The following DCUN1D5 variants were observed in gnomAD, a reference collection of about 807,000 sequenced individuals.
DCUN1D5 encodes DCN1-like protein 5.
DCUN1D5 carries 10 observed loss-of-function variants against 38.3 expected under a neutral mutation model. The ratio of observed to expected loss-of-function variants is 0.26; its 90% CI spans 0.16 to 0.44. The LOEUF is 0.44. DCUN1D5 is among the 20% of genes least tolerant of loss of function. The pLI is 1.00. For missense variants in DCUN1D5, 148 were observed against 275.3 expected (o/e 0.54, Z 3.27); for synonymous variants, 93 against 90.9 (o/e 1.02, Z -0.13).
chr11:103,068,673 G>A (rs1476153810), intron 4 of DCUN1D5, among the ~76,000 whole-genome samples: 1 of 152,010 alleles, frequency 6.6e-6, no homozygotes, highest in Non-Finnish European at 1.5e-5. Flanking sequence ...ACAGACACTG[G>A]GGTCTACTTG....
At position 103,063,745 on chromosome 11, in the gene DCUN1D5, AG is replaced by A. The variant is rs1862070156; in HGVS notation, c.658+529del. On this transcript the variant is annotated intron_variant, in intron 7 of 7. Transcript: ENST00000260247. This position sits in a 1 kb window ranked among gnomAD's most constrained non-coding sequence, Gnocchi z 4.6. ...TTATGGCATTCTAGCCTTTCCATGG[AG>A]GAGTATGGACAGATATTTTAACTTG... Among the ~76,000 whole-genome samples, 1 of 152,136 alleles carries A rather than the reference AG, an allele frequency of 6.6e-6. No homozygotes were observed.
rs1385248722 is a variant in DCUN1D5 at position 103,077,203 on chromosome 11, T to TA, written c.341+5544dup. Among the ~76,000 whole-genome samples, 84 of 145,440 alleles carry TA rather than the reference T, an allele frequency of 5.8e-4. 1 individual carries two copies. The highest frequency in any genetic ancestry group is 3.5e-3 in the Middle Eastern group (1 of 284). On this transcript the variant is annotated intron_variant, in intron 4 of 7. Transcript: ENST00000260247. The surrounding 1 kb of genome is among the most constrained non-coding windows in gnomAD (Gnocchi z 4.3). The stretch of plus-strand genomic sequence containing the variant: ...AGACTGAGCAAGACGCCGTCTCAAA[T>TA]AAAAAAAAAAGAATAAGAGCACAAA...
intron 1 of DCUN1D5, among the ~76,000 whole-genome samples, chr11:103,090,625 T>C (rs1862834589): frequency 6.6e-6 from 1 of 152,178 alleles, no homozygotes; most frequent in Non-Finnish European, 1.5e-5. Flanking sequence ...TAAAAAAGCA[T>C]TTCTCAGTCG....
At position 103,080,296 on chromosome 11, in the gene DCUN1D5, T is replaced by C. The variant is rs1010856132; in HGVS notation, c.341+2452A>G. Among the ~76,000 whole-genome samples the C allele has an allele frequency of 4.6e-5, 7 of 152,230 alleles. No individual in the cohort carries two copies. The South Asian group carries it at 1.5e-3, about 32-fold the overall frequency. ...ATATCAGAGAGAACTGATAATAAAG[T>C]TTTATATTTTAAGATTATGTTTATT... On this transcript the variant is annotated intron_variant, in intron 4 of 7. Coordinates refer to ENST00000260247, the MANE Select transcript of DCUN1D5 (RefSeq NM_032299.4).
rs1377070894 is a variant in DCUN1D5 at position 103,052,584 on chromosome 11, A to T, written c.*9775T>A. On this transcript the variant is annotated 3_prime_UTR_variant, in exon 8 of 8. Coordinates refer to ENST00000260247, the MANE Select transcript of DCUN1D5 (RefSeq NM_032299.4). ...CATAGCAAAGCCTGGGCCTATGGAT[A>T]TTTATTGGATATTGATTCATTCCTT... is the stretch of plus-strand genomic sequence containing the variant. The T allele has an allele frequency of 6.6e-6, 1 of 152,112 alleles. No individual in the cohort carries two copies. The highest frequency in any genetic ancestry group is 1.5e-5 in the Non-Finnish European group (1 of 67,994). 9.4% of individuals were successfully genotyped at this position (152,112 alleles called of 1,614,324 possible). A position where few individuals can be genotyped will look rare whatever the true frequency, so the allele number is the denominator to read the frequency against.
rs182531097 is a variant in DCUN1D5, at chr11:103,085,670, G to A, written c.179-2344C>T. ...GGTCTGTAACTAATGTGCTTTCCCC[G>A]GACTGCAAAATGTTAATCCTTCCAA... On this transcript the variant is annotated intron_variant, in intron 2 of 7. Transcript: ENST00000260247. Among the ~76,000 whole-genome samples, 164 of 152,148 alleles carry A rather than the reference G, an allele frequency of 1.1e-3. 2 individuals carry two copies. The highest frequency in any genetic ancestry group is 3.4e-3 in the African/African-American group (141 of 41,518).
Position 103,091,504 on chromosome 11 carries a change from A to G in DCUN1D5, c.86+283T>C, listed in dbSNP as rs1156378041. ...TGGGGTGGGGGTGGGGGTGGGGGGA[A>G]GCGCAATTTACATATGCATCTGTTC... On this transcript the variant is annotated intron_variant, in intron 1 of 7. Transcript: ENST00000260247. This position sits in a 1 kb window ranked among gnomAD's most constrained non-coding sequence, Gnocchi z 4.3. 1 of 384,880 alleles carries G rather than the reference A, an allele frequency of 2.6e-6. No individual in the cohort carries two copies. The highest frequency in any genetic ancestry group is 4.9e-6 in the Non-Finnish European group (1 of 204,916). The allele number at this position is 384,880 out of a possible 1,614,324, so 23.8% of individuals were successfully genotyped here.
chr11:103,081,007 A>T (rs967375943), intron 4 of DCUN1D5, among the ~76,000 whole-genome samples: 1 of 139,514 alleles, frequency 7.2e-6, no homozygotes, highest in Non-Finnish European at 1.6e-5. Context: ...GACTCCGTCT[A>T]AAAAAAAAAA....
Position 103,062,395 on chromosome 11 carries a change from T to C in DCUN1D5, c.678A>G (p.Glu226=), listed in dbSNP as rs748226272. 1.9e-6 allele frequency: 3 copies of C among 1,613,202 alleles called. No individual in the cohort carries two copies. The highest frequency in any genetic ancestry group is 4.5e-5 in the East Asian group (2 of 44,860). The stretch of plus-strand genomic sequence containing the variant: ...GACGGACTTTTTGCCACTCAACAAA[T>C]TCATCAAGAAGAACAGGCCCTAGAA... The part of the protein sequence containing the change: ...EDGAWPVLLD[E]FVEWQKVRQT... Residue 226 remains glutamate, a synonymous_variant, in exon 8 of 8, where the codon GAA becomes GAG. Coordinates refer to ENST00000260247, the MANE Select transcript of DCUN1D5 (RefSeq NM_032299.4). This position sits in a 1 kb window ranked among gnomAD's most constrained non-coding sequence, Gnocchi z 4.6.
In DCUN1D5 at chr11:103,066,578, A is replaced by G; in HGVS notation, c.342-11T>C. ...TCTGTGCAGTCACACCTTAAATAAA[A>G]GAAATATCAAACAAATTACATAATC... On this transcript the variant is annotated splice_polypyrimidine_tract_variant and intron_variant, in intron 4 of 7. Transcript: ENST00000260247. This position sits in a 1 kb window ranked among gnomAD's most constrained non-coding sequence, Gnocchi z 4.7. 1 of 1,517,460 alleles carries G rather than the reference A, an allele frequency of 6.6e-7. No individual in the cohort carries two copies. Among genetic ancestry groups the G allele is most frequent in the Non-Finnish European group, 9.1e-7 (1 of 1,097,552 alleles). 94.0% of individuals were successfully genotyped at this position (1,517,460 alleles called of 1,614,324 possible). A position where few individuals can be genotyped will look rare whatever the true frequency, so the allele number is the denominator to read the frequency against.
Position 103,078,094 on chromosome 11 carries a change from C to T in DCUN1D5, c.341+4654G>A, listed in dbSNP as rs1565290232. On this transcript the variant is annotated intron_variant, in intron 4 of 7. Transcript: ENST00000260247. This position sits in a 1 kb window ranked among gnomAD's most constrained non-coding sequence, Gnocchi z 4.6. ...GCCATTCCTTTTACACTTCAAAGTCCGGGGCTCAATAGAGACTAGATTTAC... is the reference window on the plus strand; with the variant it reads ...GCCATTCCTTTTACACTTCAAAGTCTGGGGCTCAATAGAGACTAGATTTAC... Among the ~76,000 whole-genome samples, 1 of 152,112 alleles carries T rather than the reference C, an allele frequency of 6.6e-6. No homozygotes were observed. The highest frequency in any genetic ancestry group is 1.5e-5 in the Non-Finnish European group (1 of 68,028).
At position 103,064,504 on chromosome 11, in the gene DCUN1D5, T is replaced by C; in HGVS notation, c.556-127A>G. The C allele has an allele frequency of 1.0e-5, 7 of 688,810 alleles. No individual in the cohort carries two copies. Among genetic ancestry groups the C allele is most frequent in the Non-Finnish European group, 1.6e-5 (7 of 436,272 alleles). 42.7% of individuals were successfully genotyped at this position (688,810 alleles called of 1,614,324 possible). ...CTAAAACATTTACTATTTTTTTAATTATTTGTGTTTCTAAGAGATTCCTCA... is the reference window on the plus strand; with the variant it reads ...CTAAAACATTTACTATTTTTTTAATCATTTGTGTTTCTAAGAGATTCCTCA... On this transcript the variant is annotated intron_variant, in intron 6 of 7. Coordinates refer to ENST00000260247, the MANE Select transcript of DCUN1D5 (RefSeq NM_032299.4). The surrounding 1 kb of genome is among the most constrained non-coding windows in gnomAD (Gnocchi z 4.5).
Position 103,082,798 on chromosome 11 carries a change from G to A in DCUN1D5, c.291C>T (p.Ser97=). 1 of 1,612,986 alleles carries A rather than the reference G, an allele frequency of 6.2e-7. No individual in the cohort carries two copies. Among genetic ancestry groups the A allele is most frequent in the Non-Finnish European group, 8.5e-7 (1 of 1,179,320 alleles). ...ATTCTTCCTTGGTAAAAAATCCCAT[G>A]CTTTCAGCCTCCAATTTCCACGCTA... ...LVLAWKLEAE[S]MGFFTKEEWL... is the part of the protein sequence containing the mutation. Residue 97 remains serine, a synonymous_variant, in exon 4 of 8, where the codon AGC becomes AGT. Coordinates refer to ENST00000260247, the MANE Select transcript of DCUN1D5 (RefSeq NM_032299.4).
At position 103,059,173 on chromosome 11, in the gene DCUN1D5, TC is replaced by T. The variant is rs1209421327; in HGVS notation, c.*3185del. Among the ~76,000 whole-genome samples the T allele has an allele frequency of 6.6e-6, 1 of 152,164 alleles. No individual in the cohort carries two copies. Among genetic ancestry groups the T allele is most frequent in the African/African-American group, 2.4e-5 (1 of 41,442 alleles). The stretch of plus-strand genomic sequence containing the variant: ...CAAACTGAACATATATTTCAATAAA[TC>T]CTTTCATAATTTCACATTAGCAAGT... On this transcript the variant is annotated 3_prime_UTR_variant, in exon 8 of 8. Transcript: ENST00000260247.
Position 103,091,429 on chromosome 11 carries a change from T to C in DCUN1D5, c.86+358A>G. 3.7e-6 allele frequency: 1 copy of C among 267,818 alleles called. No homozygotes were observed. Among genetic ancestry groups the C allele is most frequent in the East Asian group, 1.1e-4 (1 of 9,090 alleles). 16.6% of individuals were successfully genotyped at this position (267,818 alleles called of 1,614,324 possible). On this transcript the variant is annotated intron_variant, in intron 1 of 7. Coordinates refer to ENST00000260247, the MANE Select transcript of DCUN1D5 (RefSeq NM_032299.4). The surrounding 1 kb of genome is among the most constrained non-coding windows in gnomAD (Gnocchi z 4.3). ...GCGGATATGTACTCACTTCTAAGTCTAGAAAAAGGCAGAGGAGCGATACGG... is the reference window on the plus strand; with the variant it reads ...GCGGATATGTACTCACTTCTAAGTCCAGAAAAAGGCAGAGGAGCGATACGG...
Position 103,087,239 on chromosome 11 carries a change from C to T in DCUN1D5, c.178+1988G>A, listed in dbSNP as rs961826515. On this transcript the variant is annotated intron_variant, in intron 2 of 7. Transcript: ENST00000260247. This position sits in a 1 kb window ranked among gnomAD's most constrained non-coding sequence, Gnocchi z 4.1. ...AGGCTGGAGTGCAGTGGTGTTATCT[C>T]GGCTCACTGTGAGCTCCGCCTCCTG... Among the ~76,000 whole-genome samples, 2 of 150,134 alleles carry T rather than the reference C, an allele frequency of 1.3e-5. No individual in the cohort carries two copies. Among genetic ancestry groups the T allele is most frequent in the African/African-American group, 2.5e-5 (1 of 40,680 alleles).
chr11:103,060,404 G>A lies in DCUN1D5; in HGVS notation c.*1955C>T, dbSNP rs1053154937. ...AACTGTGTGGGTCTGCTTATACGCA[G>A]ATTTTTTTAAACCAAACATGGATTG... On this transcript the variant is annotated 3_prime_UTR_variant, in exon 8 of 8. Coordinates refer to ENST00000260247, the MANE Select transcript of DCUN1D5 (RefSeq NM_032299.4). Among the ~76,000 whole-genome samples the A allele has an allele frequency of 9.9e-5, 15 of 152,150 alleles. No individual in the cohort carries two copies. The highest frequency in any genetic ancestry group is 7.3e-5 in the Non-Finnish European group (5 of 68,030).
In DCUN1D5 at chr11:103,091,489, G is replaced by A; in HGVS notation, c.86+298C>T. On this transcript the variant is annotated intron_variant, in intron 1 of 7. Transcript: ENST00000260247. This position sits in a 1 kb window ranked among gnomAD's most constrained non-coding sequence, Gnocchi z 4.3. ...ATCGAGGGTCGGTTGTGGGGTGGGGGTGGGGGTGGGGGGAAGCGCAATTTA... is the reference window on the plus strand; with the variant it reads ...ATCGAGGGTCGGTTGTGGGGTGGGGATGGGGGTGGGGGGAAGCGCAATTTA... 2.7e-6 allele frequency: 1 copy of A among 368,652 alleles called. No individual in the cohort carries two copies. Among genetic ancestry groups the A allele is most frequent in the South Asian group, 2.4e-5 (1 of 41,222 alleles). 22.8% of individuals were successfully genotyped at this position (368,652 alleles called of 1,614,324 possible). A position where few individuals can be genotyped will look rare whatever the true frequency, so the allele number is the denominator to read the frequency against.
chr11:103,066,362 C>G lies in DCUN1D5; in HGVS notation c.462G>C (p.Gln154His). The change falls in exon 6 of 8, where the codon CAG (glutamine) becomes CAC (histidine). Residue 154 changes from glutamine to histidine, a missense_variant. Transcript: ENST00000260247. This position sits in a 1 kb window ranked among gnomAD's most constrained non-coding sequence, Gnocchi z 4.7. ...TAGCAGTATCAATATCAAGGCTTCT[C>G]TGATCTTTATCCTAAAATATAAGTG... is the stretch of plus-strand genomic sequence containing the variant. Reference protein sequence around the residue: ...YAFDFARDKDQRSLDIDTAKS... With the variant: ...YAFDFARDKDHRSLDIDTAKS... 6.2e-7 allele frequency: 1 copy of G among 1,609,506 alleles called. No homozygotes were observed.
Sources: gnomAD v4.1 joint callset for allele counts (sites outside exome capture counted in the v4.1 genomes callset) on GRCh38, gnomAD v4.1.1 for gene constraint, Gnocchi (gnomAD v3.1) non-coding constraint, MANE v1.5 for transcripts, NCBI Gene and HGNC (gene_info 2026-07-23, HGNC 2026-07-21) for gene names.